SAMD12: variants seen among roughly 807,000 people sequenced by gnomAD.
SAMD12 encodes the protein sterile alpha motif domain-containing protein 12.
SAMD12 carries 9 observed loss-of-function variants against 15.0 expected under a neutral mutation model. That is an observed-to-expected ratio of 0.60 (90% CI 0.36 to 1.05). The LOEUF (loss-of-function observed/expected upper bound fraction) is 1.05, where lower values mean the gene tolerates loss of function less well. SAMD12 is among the 50% of genes least tolerant of loss of function. The probability of loss-of-function intolerance (pLI) is 0.01; values close to 1 mark genes in which losing one functional copy is unlikely to be tolerated. For missense variants in SAMD12, 230 were observed against 234.2 expected, an observed-to-expected ratio of 0.98 and a Z score of 0.12; for synonymous variants, 86 against 90.1, an observed-to-expected ratio of 0.96 and a Z score of 0.25.
At chr8:118,613,000 CAA>C (rs1828144288) in intron 1 of SAMD12, among the ~76,000 whole-genome samples, 1 of 152,150 alleles carries the variant, frequency 6.6e-6, no homozygotes, top group South Asian at 2.1e-4. Context: ...CTAGAAAAGG[CAA>C]AAGTCTAGGG....
At chr8:118,247,968 T>G (rs1471749597) in intron 4 of SAMD12, among the ~76,000 whole-genome samples, 3 of 152,168 alleles carry the variant, frequency 2.0e-5, no homozygotes, top group Non-Finnish European at 4.4e-5. Context: ...AATTCATTCA[T>G]GCTCAGTCAC....
At chr8:118,483,467 T>C (rs1824187065) in intron 2 of SAMD12, among the ~76,000 whole-genome samples, 1 of 152,232 alleles carries the variant, frequency 6.6e-6, no homozygotes, top group Non-Finnish European at 1.5e-5. Context: ...AAATAAGAAC[T>C]TCTGTCAATC....
chr8:118,281,560 G>A (rs558227586), intron 4 of SAMD12, among the ~76,000 whole-genome samples: 3 of 152,354 alleles, frequency 2.0e-5, no homozygotes, highest in Admixed American at 2.0e-4. Flanking sequence ...GGCATAAAGT[G>A]ACAATCCCTA....
At chr8:118,394,221 G>T (rs1820435898) in intron 3 of SAMD12, among the ~76,000 whole-genome samples, 1 of 152,136 alleles carries the variant, frequency 6.6e-6, no homozygotes, top group Admixed American at 6.5e-5. Context: ...GTTGGAATGA[G>T]ATAAGGAACA....
chr8:118,581,000 G>T, intron 1 of SAMD12, 107 bp from the exon 2 acceptor site: 1 of 747,630 alleles, frequency 1.3e-6, no homozygotes, highest in Non-Finnish European at 2.1e-6. Flanking sequence ...AGGCATCTAT[G>T]AGTCGAGAGG....
At chr8:118,413,642 C>T (rs1380086038) in intron 3 of SAMD12, among the ~76,000 whole-genome samples, 2 of 151,994 alleles carry the variant, frequency 1.3e-5, no homozygotes, top group South Asian at 2.1e-4. Context: ...TTCATTTCTC[C>T]CTACCTATAT....
intron 4 of SAMD12, among the ~76,000 whole-genome samples, chr8:118,322,223 TACTC>T (rs761187107): frequency 3.3e-5 from 5 of 152,190 alleles, no homozygotes; most frequent in Non-Finnish European, 5.9e-5. Context: ...CTCCCACAAT[TACTC>T]TCTCTCTCAG....
intron 3 of SAMD12, among the ~76,000 whole-genome samples, chr8:118,432,904 C>T (rs1822457536): frequency 6.6e-6 from 1 of 152,172 alleles, no homozygotes; most frequent in African/African-American, 2.4e-5. Flanking sequence ...GCCACTGCCG[C>T]CATCACCACC....
intron 2 of SAMD12, among the ~76,000 whole-genome samples, chr8:118,450,987 A>G (rs188987574): frequency 1.0e-3 from 155 of 152,306 alleles, no homozygotes; most frequent in Non-Finnish European, 1.9e-3. Flanking sequence ...TATCATTCTA[A>G]TGATATTCTT....
At position 118,452,196 on chromosome 8, in the gene SAMD12, G is replaced by A. The variant is rs529256890; in HGVS notation, c.193-12235C>T. ...TCTCAGACTGCCAGACATTTGAACTGGGAGAAAATACATTTTGTTGTTTAA... is the reference window on the plus strand; with the variant it reads ...TCTCAGACTGCCAGACATTTGAACTAGGAGAAAATACATTTTGTTGTTTAA... On this transcript the variant is annotated intron_variant, in intron 2 of 3. Coordinates refer to ENST00000314727, the MANE Select transcript of SAMD12 (RefSeq NM_207506.3). 2.9e-4 allele frequency among the ~76,000 whole-genome samples: 44 copies of A among 152,142 alleles called. 1 individual carries two copies. The highest frequency in any genetic ancestry group is 3.4e-3 in the Middle Eastern group (1 of 294).
At chr8:118,519,173 A>G (rs1272525979) in intron 2 of SAMD12, among the ~76,000 whole-genome samples, 2 of 152,338 alleles carry the variant, frequency 1.3e-5, no homozygotes, top group East Asian at 3.9e-4. Flanking sequence ...TTGCACCCTC[A>G]GTGTTCAACA....
intron 4 of SAMD12, among the ~76,000 whole-genome samples, chr8:118,266,217 C>T (rs1052654688): frequency 1.3e-5 from 2 of 152,154 alleles, no homozygotes; most frequent in Admixed American, 6.6e-5. Context: ...AATCACCTCC[C>T]ACCAGGTCTG....
chr8:118,418,670 G>T (rs970678845), intron 3 of SAMD12, among the ~76,000 whole-genome samples: 1 of 151,228 alleles, frequency 6.6e-6, no homozygotes, highest in African/African-American at 2.4e-5. Flanking sequence ...AGTGAGCCGA[G>T]ATTGCGCCAC....
chr8:118,317,728 A>G (rs1815993394), intron 4 of SAMD12, among the ~76,000 whole-genome samples: 1 of 152,210 alleles, frequency 6.6e-6, no homozygotes, highest in African/African-American at 2.4e-5. Context: ...GGTGAACTGT[A>G]CAATTAATAT....
the SAMD12 span, among the ~76,000 whole-genome samples, chr8:118,163,713 A>G: frequency 6.6e-6 from 1 of 152,146 alleles, no homozygotes; most frequent in Non-Finnish European, 1.5e-5. Context: ...GTCTTTACTA[A>G]AAATTCAAAA....
chr8:118,416,976 C>A (rs753378768), intron 3 of SAMD12, among the ~76,000 whole-genome samples: 1 of 152,068 alleles, frequency 6.6e-6, no homozygotes, highest in African/African-American at 2.4e-5. Flanking sequence ...AACATCACCC[C>A]GGTTTTTAAT....
chr8:118,145,612 G>A, the SAMD12 span, among the ~76,000 whole-genome samples: 1 of 152,332 alleles, frequency 6.6e-6, no homozygotes, highest in East Asian at 1.9e-4. Context: ...AAGGATTTCA[G>A]GAGGCTTATT....
rs1242564095 is a variant in SAMD12, at chr8:118,470,243, CT to C, written c.193-30283del. 3.5e-3 allele frequency among the ~76,000 whole-genome samples: 467 copies of C among 134,412 alleles called. 3 individuals carry two copies. Among genetic ancestry groups the C allele is most frequent in the Admixed American group, 4.9e-3 (68 of 13,804 alleles). 88.2% of individuals were successfully genotyped at this position (134,412 alleles called of 152,430 possible). ...AGTGTGTTGTCACTCAATATGTTAT[CT>C]TTTTTTTTTTTTTAAAAAAAAAGGA... On this transcript the variant is annotated intron_variant, in intron 2 of 3. Coordinates refer to ENST00000314727, the MANE Select transcript of SAMD12 (RefSeq NM_207506.3).
chr8:118,141,567 T>C, the SAMD12 span, among the ~76,000 whole-genome samples: 61 of 152,344 alleles, frequency 4.0e-4, no homozygotes, highest in African/African-American at 1.4e-3. Flanking sequence ...GATATTTGAC[T>C]TTCCATGATG....
Sources: allele counts gnomAD v4.1 joint callset (sites outside exome capture counted in the v4.1 genomes callset), GRCh38; gene constraint gnomAD v4.1.1; transcripts MANE v1.5; gene names NCBI Gene and HGNC (gene_info 2026-07-23, HGNC 2026-07-21).